Variants in PAPPA observed in about 807,000 individuals in gnomAD.
PAPPA encodes the protein pappalysin 1, also known as pappalysin-1.
In PAPPA, 60 loss-of-function variants were observed where a neutral mutation model predicts 164.0. The observed-to-expected ratio is 0.37, with a 90% CI of 0.30 to 0.45. PAPPA has a LOEUF of 0.45. PAPPA is among the 20% of genes least tolerant of loss of function. The probability of loss-of-function intolerance (pLI) is 1.00; values close to 1 mark genes in which losing one functional copy is unlikely to be tolerated. For missense variants in PAPPA, 1,782 were observed against 2,087.3 expected, an observed-to-expected ratio of 0.85 and a Z score of 2.85; for synonymous variants, 875 against 814.1, an observed-to-expected ratio of 1.07 and a Z score of -1.27.
intron 13 of PAPPA, among the ~76,000 whole-genome samples, chr9:116,336,590 A>G (rs561686951): frequency 3.4e-4 from 52 of 152,358 alleles, no homozygotes; most frequent in South Asian, 1.0e-3. Flanking sequence ...ACTGAGGCCC[A>G]GACTGACTTG....
rs199881786 is a variant in PAPPA, at chr9:116,367,746, C to A, written c.4597C>A (p.Arg1533=). ...RDIPHWLNPT[R]VERVVCTAGL... is the part of the protein sequence containing the mutation. ...CATCCCCCACTGGCTGAACCCCACA[C>A]GGGTAGAGGTGAGTGACCAGGGACA... The change falls in exon 19 of 22, where the codon CGG becomes AGG. Residue 1533 remains arginine, a synonymous_variant. Coordinates refer to ENST00000328252, the MANE Select transcript of PAPPA (RefSeq NM_002581.5). 8.7e-6 allele frequency: 14 copies of A among 1,610,590 alleles called. No individual in the cohort carries two copies. The Admixed American group carries it at 1.5e-4, about 17-fold the overall frequency.
In PAPPA at chr9:116,220,014, T is replaced by C; in HGVS notation, c.1996T>C (p.Trp666Arg). The change falls in exon 5 of 22, where the codon TGG becomes CGG. Residue 666 changes from tryptophan (W) to arginine (R), a missense_variant. This residue lies in a region of PAPPA where 1,324 missense variants were observed against 1,656.9 expected (regional missense o/e 0.80). Coordinates refer to ENST00000328252, the MANE Select transcript of PAPPA (RefSeq NM_002581.5). ...HCYLDLVYQG[W>R]QPSRKPAPVA... ...TTACCTGGACCTGGTCTACCAGGGC[T>C]GGCAGCCCTCCAGGAAACCAGCGCC... 2 of 1,614,160 alleles carry C rather than the reference T, an allele frequency of 1.2e-6. No individual in the cohort carries two copies. Among genetic ancestry groups the C allele is most frequent in the Non-Finnish European group, 1.7e-6 (2 of 1,180,006 alleles).
intron 4 of PAPPA, among the ~76,000 whole-genome samples, chr9:116,217,209 A>C (rs1190238516): frequency 6.6e-6 from 1 of 152,244 alleles, no homozygotes; most frequent in Non-Finnish European, 1.5e-5. Flanking sequence ...GTAGATGTTT[A>C]TACAGGAAAA....
At chr9:116,276,569 G>A (rs564062438) in intron 9 of PAPPA, among the ~76,000 whole-genome samples, 2 of 152,258 alleles carry the variant, frequency 1.3e-5, no homozygotes, top group East Asian at 1.9e-4. Context: ...AGGAATCTCC[G>A]ATTTGTCAAA....
intron 7 of PAPPA, among the ~76,000 whole-genome samples, chr9:116,255,118 A>G (rs1844913064): frequency 6.6e-6 from 1 of 151,992 alleles, no homozygotes; most frequent in Admixed American, 6.5e-5. Context: ...ATACTTTAGA[A>G]CCATAAAGGG....
chr9:116,221,508 A>T (rs886931801), intron 5 of PAPPA, among the ~76,000 whole-genome samples: 2 of 152,190 alleles, frequency 1.3e-5, no homozygotes, highest in Non-Finnish European at 2.9e-5. Context: ...TCTTTCTGGT[A>T]ACCTTGTACA....
At position 116,402,306 on chromosome 9, in the gene PAPPA, T is replaced by C. The variant is rs1847070120; in HGVS notation, c.*5690T>C. On this transcript the variant is annotated 3_prime_UTR_variant, in exon 22 of 22. Transcript: ENST00000328252. ...AGTTCTATATTATGAAAATATATAA[T>C]AGCTTGTACGCTTCAGTGTGTTGTT... 2 of 152,606 alleles carry C rather than the reference T, an allele frequency of 1.3e-5. No individual in the cohort carries two copies. Among genetic ancestry groups the C allele is most frequent in the Non-Finnish European group, 2.9e-5 (2 of 68,020 alleles). 9.5% of individuals were successfully genotyped at this position (152,606 alleles called of 1,614,324 possible). A position where few individuals can be genotyped will look rare whatever the true frequency, so the allele number is the denominator to read the frequency against.
intron 5 of PAPPA, 84 bp from the exon 6 acceptor site, chr9:116,227,347 C>A: frequency 4.3e-6 from 6 of 1,400,870 alleles, no homozygotes; most frequent in South Asian, 1.2e-5. Context: ...GTCCTCTGCC[C>A]CATTGACTCT....
chr9:116,298,597 G>C (rs1587992986), intron 9 of PAPPA, among the ~76,000 whole-genome samples: 1 of 152,322 alleles, frequency 6.6e-6, no homozygotes, highest in African/African-American at 2.4e-5. Flanking sequence ...ATAGTCTAAA[G>C]AAAATAGTCA....
Position 116,211,906 on chromosome 9 carries a change from C to T in PAPPA, c.1892C>T (p.Pro631Leu). The change falls in exon 4 of 22, where the codon CCT (proline) becomes CTT (leucine). Residue 631 changes from proline to leucine, a missense_variant. Transcript: ENST00000328252. ...TCGFHSFFNT[P>L]YNNFMSYADD... ...GGCTTTCATAGCTTCTTCAACACTC[C>T]TTACAACAACTTCATGAGCTATGCA... The T allele has an allele frequency of 6.2e-7, 1 of 1,614,086 alleles. No homozygotes were observed. Among genetic ancestry groups the T allele is most frequent in the Non-Finnish European group, 8.5e-7 (1 of 1,179,968 alleles).
At chr9:116,378,791 C>T (rs779282618) in intron 20 of PAPPA, among the ~76,000 whole-genome samples, 2 of 152,168 alleles carry the variant, frequency 1.3e-5, no homozygotes, top group East Asian at 1.9e-4. Context: ...GCTCTTCTAA[C>T]GTCCAGGCTG....
Position 116,334,923 on chromosome 9 carries a change from C to G in PAPPA, c.3460C>G (p.Gln1154Glu). ...LIIPVVHDLS[Q>E]PFYHSQAVRV... ...TATCCCTGTGGTCCATGACCTCAGC[C>G]AGCCCTTCTACCACAGCCAGGCGGT... The change falls in exon 13 of 22, where the codon CAG (glutamine) becomes GAG (glutamate). Residue 1154 changes from glutamine to glutamate, a missense_variant. Around this residue, in one of 2 missense-constraint regions of PAPPA, gnomAD observed 1,324 missense variants for 1,656.9 expected, o/e 0.80. Transcript: ENST00000328252. 6.2e-7 allele frequency: 1 copy of G among 1,613,960 alleles called. No homozygotes were observed. Among genetic ancestry groups the G allele is most frequent in the South Asian group, 1.1e-5 (1 of 91,064 alleles).
In PAPPA at chr9:116,222,636, T is replaced by TA. The variant is rs200197004; in HGVS notation, c.2111+2515dup. On this transcript the variant is annotated intron_variant, in intron 5 of 21. Transcript: ENST00000328252. ...CATGATCTCACGTATATGTGGAATCTAAAAAAAATGAATTCATAGAGGTAG... is the reference window on the plus strand; with the variant it reads ...CATGATCTCACGTATATGTGGAATCTAAAAAAAAATGAATTCATAGAGGTAG... 3.7e-3 allele frequency among the ~76,000 whole-genome samples: 567 copies of TA among 151,878 alleles called. 5 individuals are homozygous for TA. The highest frequency in any genetic ancestry group is 0.012 in the African/African-American group (515 of 41,436).
At chr9:116,388,570 AT>A (rs1438636002) in intron 21 of PAPPA, among the ~76,000 whole-genome samples, 3 of 152,156 alleles carry the variant, frequency 2.0e-5, no homozygotes, top group Non-Finnish European at 4.4e-5. Context: ...TCTGTGACTT[AT>A]TAACTCTGTG....
intron 4 of PAPPA, among the ~76,000 whole-genome samples, chr9:116,218,496 C>G (rs118036538): frequency 6.6e-6 from 1 of 152,162 alleles, no homozygotes; most frequent in Non-Finnish European, 1.5e-5. Flanking sequence ...TAAGCCAAAA[C>G]AGTGCATTGC....
chr9:116,378,895 G>C (rs191999916), intron 20 of PAPPA, among the ~76,000 whole-genome samples: 1 of 152,180 alleles, frequency 6.6e-6, no homozygotes, highest in African/African-American at 2.4e-5. Context: ...GCATTGTTGA[G>C]GGATTTCCTG....
chr9:116,340,563 A>G (rs1450129928), intron 13 of PAPPA, among the ~76,000 whole-genome samples: 1 of 152,216 alleles, frequency 6.6e-6, no homozygotes, highest in Non-Finnish European at 1.5e-5. Context: ...CAGAGTGGCC[A>G]ATGCCTGACA....
intron 21 of PAPPA, among the ~76,000 whole-genome samples, chr9:116,389,365 T>G (rs1190824168): frequency 6.6e-6 from 1 of 152,112 alleles, no homozygotes; most frequent in Non-Finnish European, 1.5e-5. Flanking sequence ...ACTCCTGACC[T>G]CGCAGAATAG....
At chr9:116,242,502 TC>T (rs1844748112) in intron 7 of PAPPA, among the ~76,000 whole-genome samples, 1 of 152,240 alleles carries the variant, frequency 6.6e-6, no homozygotes, top group African/African-American at 2.4e-5. Flanking sequence ...TAGATATACT[TC>T]AATCTTTTTA....
Sources: allele counts gnomAD v4.1 joint callset (sites outside exome capture counted in the v4.1 genomes callset), GRCh38; gene constraint gnomAD v4.1.1; regional missense constraint gnomAD v4.1.1; transcripts MANE v1.5; gene names NCBI Gene and HGNC (gene_info 2026-07-23, HGNC 2026-07-21).